The following ZMYND8 variants were observed in gnomAD, a reference collection of about 807,000 sequenced individuals.
The protein encoded by ZMYND8 is MYND-type zinc finger-containing chromatin reader ZMYND8.
Under a neutral mutation model 140.8 loss-of-function variants are expected in ZMYND8, and 37 were observed. The observed-to-expected ratio is 0.26, with a 90% CI of 0.20 to 0.35. The LOEUF (loss-of-function observed/expected upper bound fraction) is 0.35, where lower values mean the gene tolerates loss of function less well. Among genes scored for constraint, ZMYND8 ranks in the 10% least tolerant of loss-of-function variants. The pLI is 1.00. For synonymous variants in ZMYND8, 592 were observed against 597.1 expected (o/e 0.99, Z 0.12); for missense variants, 1,068 against 1,570.0 (o/e 0.68, Z 5.40).
chr20:47,305,446 G>A (rs1159629516), intron 3 of ZMYND8, among the ~76,000 whole-genome samples: 3 of 151,688 alleles, frequency 2.0e-5, no homozygotes, highest in East Asian at 3.9e-4. Flanking sequence ...TCACCATGTT[G>A]CCCAGGTTGG....
chr20:47,281,953 A>C, intron 10 of ZMYND8, 149 bp downstream of exon 10: 3 of 692,572 alleles, frequency 4.3e-6, no homozygotes, highest in Non-Finnish European at 7.0e-6. Flanking sequence ...TTAACATACC[A>C]CAGGAAATTT....
chr20:47,230,899 C>T (rs1223871725), intron 16 of ZMYND8, among the ~76,000 whole-genome samples: 2 of 152,170 alleles, frequency 1.3e-5, no homozygotes, highest in Non-Finnish European at 2.9e-5. Flanking sequence ...TCTGTCTCTC[C>T]ACATTTGCTC....
intron 2 of ZMYND8, among the ~76,000 whole-genome samples, chr20:47,313,959 AT>A (rs1469973070): frequency 1.3e-5 from 2 of 152,038 alleles, no homozygotes; most frequent in Non-Finnish European, 2.9e-5. Flanking sequence ...AATAAAGTGT[AT>A]CTAGCACCAT....
At chr20:47,296,584 C>T (rs950390615) in intron 4 of ZMYND8, among the ~76,000 whole-genome samples, 1 of 152,176 alleles carries the variant, frequency 6.6e-6, no homozygotes, top group African/African-American at 2.4e-5. Context: ...TGGCCTGGCC[C>T]TGCCTCTAGG....
intron 9 of ZMYND8, among the ~76,000 whole-genome samples, chr20:47,283,325 C>T (rs1225977877): frequency 6.6e-6 from 1 of 152,214 alleles, no homozygotes; most frequent in Non-Finnish European, 1.5e-5. Flanking sequence ...TATGCTGCAC[C>T]TTGCAGTCTG....
intron 1 of ZMYND8, chr20:47,351,627 G>A: frequency 1.0e-6 from 1 of 969,038 alleles, no homozygotes; most frequent in Non-Finnish European, 1.2e-6. Flanking sequence ...TAAAAACCAT[G>A]CTTCCCTAAA....
chr20:47,292,373 C>T (rs922291804), intron 5 of ZMYND8, among the ~76,000 whole-genome samples: 1 of 151,510 alleles, frequency 6.6e-6, no homozygotes, highest in African/African-American at 2.4e-5. Context: ...CTATGAAAAT[C>T]GAAGGTAATT....
Position 47,212,697 on chromosome 20 carries a change from G to A in ZMYND8, c.3513C>T (p.Ala1171=). 6.2e-7 allele frequency: 1 copy of A among 1,613,346 alleles called. No homozygotes were observed. Among genetic ancestry groups the A allele is most frequent in the Non-Finnish European group, 8.5e-7 (1 of 1,179,514 alleles). Residue 1171 remains alanine, a synonymous_variant, in exon 22 of 23, where the codon GCC becomes GCT. Transcript: ENST00000471951. ...SVSKRCDKQP[A]YAPTTTDHQP... is the part of the protein sequence containing the mutation. ...GGTGGTCTGTGGTGGTTGGGGCATA[G>A]GCAGGTTGCTTGTCACACCTTTTGC...
intron 2 of ZMYND8, among the ~76,000 whole-genome samples, chr20:47,321,521 G>A (rs1013660314): frequency 6.6e-6 from 1 of 152,208 alleles, no homozygotes; most frequent in Non-Finnish European, 1.5e-5. Context: ...CTGGTAGAAA[G>A]AAACTTCAGT....
rs376462725 is a variant in ZMYND8, at chr20:47,246,438, G to A, written c.1854C>T (p.Ser618=). The A allele has an allele frequency of 1.2e-4, 191 of 1,613,624 alleles. 2 individuals are homozygous for A. Among genetic ancestry groups the A allele is most frequent in the South Asian group, 5.8e-4 (53 of 91,064 alleles). The change falls in exon 14 of 23, where the codon AGC becomes AGT. Residue 618 remains serine, a synonymous_variant. Coordinates refer to ENST00000471951, the MANE Select transcript of ZMYND8 (RefSeq NM_001281775.3). ...CATCATCACTGATATACTCACTATC[G>A]CTACTATCTGACTTCTCAGAATCCT... ...DSEDSEKSDS[S]DSEYISDDEQ... is the part of the protein sequence containing the mutation.
chr20:47,286,433 C>A (rs1569099601), intron 8 of ZMYND8, among the ~76,000 whole-genome samples: 2 of 152,144 alleles, frequency 1.3e-5, no homozygotes, highest in African/African-American at 2.4e-5. Flanking sequence ...CCTGCCTCAG[C>A]CTCCCAAAGT....
At chr20:47,332,894 G>A (rs551237124) in intron 2 of ZMYND8, among the ~76,000 whole-genome samples, 1 of 152,210 alleles carries the variant, frequency 6.6e-6, no homozygotes, top group South Asian at 2.1e-4. Flanking sequence ...CCAGAAAGTG[G>A]ACACAACTCA....
chr20:47,228,089 C>A (rs1601006485), intron 17 of ZMYND8, among the ~76,000 whole-genome samples: 1 of 131,246 alleles, frequency 7.6e-6, no homozygotes. Context: ...CGAGACTCTT[C>A]TCAAAAAAAA....
chr20:47,348,148 C>T (rs2082485094), intron 1 of ZMYND8: 1 of 566,944 alleles, frequency 1.8e-6, no homozygotes, highest in Admixed American at 3.1e-5. Context: ...AGTCAAATTA[C>T]TATTCCAGTT....
chr20:47,283,482 T>C (rs1227422701), intron 9 of ZMYND8, 89 bp downstream of exon 9: 24 of 1,366,940 alleles, frequency 1.8e-5, no homozygotes, highest in Admixed American at 1.7e-4. Context: ...AAGTTTCATC[T>C]AATAAGCCAC....
rs755395313 is a variant in ZMYND8, at chr20:47,238,910, A to G, written c.2513T>C (p.Val838Ala). Residue 838 changes from valine to alanine, a missense_variant, in exon 15 of 23, where the codon GTG becomes GCG. Val to Ala is a moderately conservative substitution (Grantham distance 64, BLOSUM62 0). Around this residue, in one of 10 missense-constraint regions of ZMYND8, gnomAD observed 383 missense variants for 431.2 expected, o/e 0.89. Coordinates refer to ENST00000471951, the MANE Select transcript of ZMYND8 (RefSeq NM_001281775.3). ...KETAPAVQRV[V>A]WNSSSKFQTS... ...TTGAAACTTACTTGATGAGTTCCACACGACCCGCTGCACGGCCGGGGCAGT... is the reference window on the plus strand; with the variant it reads ...TTGAAACTTACTTGATGAGTTCCACGCGACCCGCTGCACGGCCGGGGCAGT... 2.5e-6 allele frequency: 4 copies of G among 1,614,004 alleles called. No individual in the cohort carries two copies. Among genetic ancestry groups the G allele is most frequent in the Non-Finnish European group, 8.5e-7 (1 of 1,180,058 alleles).
At chr20:47,343,871 G>A (rs997548799) in intron 2 of ZMYND8, among the ~76,000 whole-genome samples, 3 of 151,874 alleles carry the variant, frequency 2.0e-5, no homozygotes, top group Admixed American at 1.3e-4. Context: ...TGTGGGTGAT[G>A]CCTTGTGACT....
chr20:47,221,245 CA>C, intron 20 of ZMYND8, 68 bp downstream of exon 20: 2 of 1,578,680 alleles, frequency 1.3e-6, no homozygotes, highest in South Asian at 2.3e-5. Context: ...GGGCGGCAGA[CA>C]GGGGGTCCTA....
Position 47,286,524 on chromosome 20 carries a change from A to G in ZMYND8, c.804+705T>C, listed in dbSNP as rs541445065. ...TCTATCTATCTATCTGGATATATCT[A>G]GATCTAGATCTATATATCCATATAT... On this transcript the variant is annotated intron_variant, in intron 8 of 22. Coordinates refer to ENST00000471951, the MANE Select transcript of ZMYND8 (RefSeq NM_001281775.3). Among the ~76,000 whole-genome samples the G allele has an allele frequency of 5.9e-5, 9 of 152,290 alleles. No homozygotes were observed. The South Asian group carries it at 1.9e-3, about 32-fold the overall frequency.
Sources: gnomAD v4.1 joint callset for allele counts (sites outside exome capture counted in the v4.1 genomes callset) on GRCh38, gnomAD v4.1.1 for gene constraint, gnomAD v4.1.1 regional missense constraint, MANE v1.5 for transcripts, NCBI Gene and HGNC (gene_info 2026-07-23, HGNC 2026-07-21) for gene names.